The following CFAP91 variants were observed in gnomAD, a reference collection of about 807,000 sequenced individuals.
CFAP91 encodes cilia- and flagella-associated protein 91.
Under a neutral mutation model 95.9 loss-of-function variants are expected in CFAP91, and 85 were observed. The ratio of observed to expected loss-of-function variants is 0.89; its 90% CI spans 0.74 to 1.06. The LOEUF is 1.06. Ranked by LOEUF, CFAP91 falls within the 50% of genes least tolerant of loss-of-function variation. CFAP91 has a pLI of 0.00. For missense variants in CFAP91, 962 were observed against 943.4 expected (o/e 1.02, Z -0.26); for synonymous variants, 335 against 327.5 (o/e 1.02, Z -0.25).
At position 119,706,871 on chromosome 3, in the gene CFAP91, AT is replaced by A; in HGVS notation, c.189del (p.Arg64AlafsTer4). 1.2e-6 allele frequency: 2 copies of A among 1,612,604 alleles called. No homozygotes were observed. The highest frequency in any genetic ancestry group is 1.7e-6 in the Non-Finnish European group (2 of 1,179,500). On this transcript the variant is annotated frameshift_variant, in exon 2 of 18. Transcript: ENST00000273390. LOFTEE classifies it high-confidence loss of function. Reference protein sequence around the residue: ...HTQANIQATLIRSRLRKVPRF... With the variant: ...HTQANIQATLXRSRLRKVPRF... ...ACAGGCAAATATCCAAGCTACCCTG[AT>A]TCGCAGCAGACTGGTATGTCTAATT...
intron 16 of CFAP91, chr3:119,748,983 T>G (rs1395520346): frequency 2.0e-5 from 3 of 152,242 alleles, no homozygotes. Flanking sequence ...ACAAAATGAT[T>G]GTTGACTTGC....
intron 7 of CFAP91, among the ~76,000 whole-genome samples, chr3:119,728,901 C>T (rs936774841): frequency 8.5e-5 from 13 of 152,138 alleles, no homozygotes; most frequent in South Asian, 2.1e-4. Flanking sequence ...TCTCCTTGTG[C>T]GGGAAATGTC....
chr3:119,733,769 A>G (rs2053947438), intron 10 of CFAP91, among the ~76,000 whole-genome samples: 1 of 152,078 alleles, frequency 6.6e-6, no homozygotes, highest in East Asian at 1.9e-4. Context: ...GGATCTCTAT[A>G]TAAAATTTGA....
rs2053388857 is a variant in CFAP91 at position 119,707,522 on chromosome 3, A to G, written c.320A>G (p.His107Arg). Residue 107 changes from histidine to arginine, a missense_variant, in exon 3 of 18, where the codon CAT becomes CGT. Transcript: ENST00000273390. ...TTTATCAGTCGGGAATGGAAGGGAC[A>G]TAAGGAGAAACACAGAGAAGCCCTC... Reference protein sequence around the residue: ...PPFISREWKGHKEKHREALRQ... With the variant: ...PPFISREWKGRKEKHREALRQ... 2 of 1,595,746 alleles carry G rather than the reference A, an allele frequency of 1.3e-6. No individual in the cohort carries two copies. The highest frequency in any genetic ancestry group is 2.2e-5 in the East Asian group (1 of 44,720).
chr3:119,719,255 G>T (rs1009189548), intron 6 of CFAP91, among the ~76,000 whole-genome samples: 8 of 152,148 alleles, frequency 5.3e-5, no homozygotes, highest in Admixed American at 2.6e-4. Context: ...CTAAATTAAC[G>T]CATTAGGAAT....
chr3:119,747,070 A>G (rs747081653), intron 14 of CFAP91, 45 bp from the exon 15 acceptor site: 2 of 1,426,852 alleles, frequency 1.4e-6, no homozygotes, highest in African/African-American at 1.4e-5. Context: ...TGTGTTGTTT[A>G]CAACAGCATA....
chr3:119,726,126 T>TGG (rs780599437), intron 6 of CFAP91, 45 bp from the exon 7 acceptor site: 1 of 1,532,276 alleles, frequency 6.5e-7, no homozygotes, highest in Non-Finnish European at 8.8e-7. Context: ...GGGGGGTGCA[T>TGG]GGGTCAGCTC....
chr3:119,726,358 C>CT lies in CFAP91; in HGVS notation c.860+11dup. ...AGCAGGAGATTGAAAAGTAGGTTCT[C>CT]TATCACCCAGACAACTGTTCCTGCA... On this transcript the variant is annotated intron_variant, in intron 7 of 17. Coordinates refer to ENST00000273390, the MANE Select transcript of CFAP91 (RefSeq NM_033364.4). The CT allele has an allele frequency of 1.2e-6, 2 of 1,604,086 alleles. No individual in the cohort carries two copies. The highest frequency in any genetic ancestry group is 8.5e-7 in the Non-Finnish European group (1 of 1,175,592).
At chr3:119,748,642 T>A (rs980099253) in intron 16 of CFAP91, among the ~76,000 whole-genome samples, 2 of 152,166 alleles carry the variant, frequency 1.3e-5, no homozygotes, top group Admixed American at 1.3e-4. Context: ...ACATTTCAAT[T>A]TGCTCAATCA....
chr3:119,741,375 T>C (rs923896228), intron 13 of CFAP91, among the ~76,000 whole-genome samples: 2 of 152,158 alleles, frequency 1.3e-5, no homozygotes, highest in Admixed American at 6.5e-5. Context: ...AGAAATAAGA[T>C]TTATCTTAAA....
At chr3:119,732,645 G>A (rs1319070206) in intron 9 of CFAP91, among the ~76,000 whole-genome samples, 169 bp downstream of exon 9, 1 of 152,026 alleles carries the variant, frequency 6.6e-6, no homozygotes, top group Non-Finnish European at 1.5e-5. Flanking sequence ...TAAATAAATG[G>A]ACACACTATA....
chr3:119,763,619 TAAA>T (rs529578202), intron 17 of CFAP91, among the ~76,000 whole-genome samples: 2,406 of 145,694 alleles, frequency 0.017, 59 homozygotes, highest in African/African-American at 0.057. Context: ...TATTCAGCCT[TAAA>T]AAAAAAAAGA....
chr3:119,728,188 A>G (rs527774753), intron 7 of CFAP91, among the ~76,000 whole-genome samples: 3 of 152,310 alleles, frequency 2.0e-5, no homozygotes, highest in African/African-American at 7.2e-5. Flanking sequence ...AGAAGAAGAT[A>G]TCTATAGAGC....
chr3:119,748,651 C>G (rs930887738), intron 16 of CFAP91, among the ~76,000 whole-genome samples: 1 of 152,122 alleles, frequency 6.6e-6, no homozygotes, highest in Non-Finnish European at 1.5e-5. Flanking sequence ...TTTGCTCAAT[C>G]AGGGATAAAG....
intron 1 of CFAP91, among the ~76,000 whole-genome samples, chr3:119,704,409 G>C (rs1348233072): frequency 6.6e-6 from 1 of 152,184 alleles, no homozygotes; most frequent in African/African-American, 2.4e-5. Context: ...AGCCAGGGCG[G>C]ATGAGAACCT....
At chr3:119,727,013 T>C (rs2053796553) in intron 7 of CFAP91, among the ~76,000 whole-genome samples, 1 of 152,184 alleles carries the variant, frequency 6.6e-6, no homozygotes, top group Non-Finnish European at 1.5e-5. Flanking sequence ...CTGATATATT[T>C]TCAGTAATGG....
rs766757222 is a variant in CFAP91, at chr3:119,733,401, G to T, written c.1239G>T (p.Val413=). The change falls in exon 10 of 18, where the codon GTG becomes GTT. Residue 413 remains valine, a synonymous_variant. Transcript: ENST00000273390. ...VELESCLPDF[V]TQPQIRAPKP... Reference sequence around the variant, plus strand: ...TTGAGTCATGTCTCCCAGATTTTGTGACACAACCCCAAATCAGAGCTCCAA... The same window carrying T: ...TTGAGTCATGTCTCCCAGATTTTGTTACACAACCCCAAATCAGAGCTCCAA... 6.2e-7 allele frequency: 1 copy of T among 1,613,992 alleles called. No homozygotes were observed. The highest frequency in any genetic ancestry group is 1.1e-5 in the South Asian group (1 of 91,052).
rs187529683 is a variant in CFAP91, at chr3:119,727,161, C to A, written c.860+813C>A. ...TGCTGACGCACTTTATTGCTCTAAG[C>A]AATGCTACCAAGGACCCTTACACAC... On this transcript the variant is annotated intron_variant, in intron 7 of 17. Transcript: ENST00000273390. Among the ~76,000 whole-genome samples, 118 of 152,286 alleles carry A rather than the reference C, an allele frequency of 7.7e-4. 1 individual carries two copies. The highest frequency in any genetic ancestry group is 2.8e-3 in the African/African-American group (116 of 41,570).
rs148402237 is a variant in CFAP91 at position 119,755,293 on chromosome 3, TG to T, written c.*1+4196del. 3.9e-3 allele frequency among the ~76,000 whole-genome samples: 592 copies of T among 152,286 alleles called. 3 individuals carry two copies. The highest frequency in any genetic ancestry group is 0.014 in the African/African-American group (575 of 41,544). On this transcript the variant is annotated intron_variant, in intron 17 of 17. Transcript: ENST00000273390. ...TGAATTCTACCTGGGGTAGAATGCTTGTGGATTGAAATGTGTCCTTGAAAAT... is the reference window on the plus strand; with the variant it reads ...TGAATTCTACCTGGGGTAGAATGCTTTGGATTGAAATGTGTCCTTGAAAAT...
Sources: allele counts gnomAD v4.1 joint callset (sites outside exome capture counted in the v4.1 genomes callset), GRCh38; gene constraint gnomAD v4.1.1; transcripts MANE v1.5; gene names NCBI Gene and HGNC (gene_info 2026-07-23, HGNC 2026-07-21).